MED21: variants seen among roughly 807,000 people sequenced by gnomAD.
The protein encoded by MED21 is mediator of RNA polymerase II transcription subunit 21.
Under a neutral mutation model 18.2 loss-of-function variants are expected in MED21, and 9 were observed. The observed-to-expected ratio is 0.49, with a 90% confidence interval of 0.30 to 0.86. The LOEUF (loss-of-function observed/expected upper bound fraction) is 0.86. MED21 is among the 40% of genes least tolerant of loss of function. MED21 has a pLI of 0.07. For synonymous variants in MED21, 73 were observed against 60.5 expected (o/e 1.21, Z -0.96); for missense variants, 150 against 170.9 (o/e 0.88, Z 0.68).
At chr12:27,032,995 G>GT (rs769207784), downstream of MED21, among the ~76,000 whole-genome samples, 5 of 152,018 alleles carry the variant, frequency 3.3e-5, no homozygotes, top group Non-Finnish European at 4.4e-5. Context: ...CTCCACGTTA[G>GT]TTTTTTTCTA....
At chr12:27,027,080 C>A (rs1012656391) in intron 2 of MED21, among the ~76,000 whole-genome samples, 8 of 152,186 alleles carry the variant, frequency 5.3e-5, no homozygotes, top group African/African-American at 1.9e-4. Context: ...AGGCTCATGC[C>A]ACCACGTCTG....
At chr12:27,037,238 G>GTT in intron 2 of MED21, 1 of 151,394 alleles carries the variant, frequency 6.6e-6, no homozygotes, top group Non-Finnish European at 1.5e-5. Context: ...TTGGCTCTCT[G>GTT]TTTGTCTGTT....
chr12:27,032,870 C>A (rs74761613), downstream of MED21, among the ~76,000 whole-genome samples: 3,018 of 152,276 alleles, frequency 0.02, 102 homozygotes, highest in African/African-American at 0.068. Context: ...CACCTTCAGC[C>A]TGAGCCAGCA....
chr12:27,031,033 G>T (rs910395482), downstream of MED21, among the ~76,000 whole-genome samples: 1 of 151,944 alleles, frequency 6.6e-6, no homozygotes, highest in African/African-American at 2.4e-5. Flanking sequence ...TCAGCCTCCC[G>T]AATAGCTGGG....
At position 27,027,456 on chromosome 12, in the gene MED21, C is replaced by G. The variant is rs1941561139; in HGVS notation, c.258+9C>G. 1.3e-6 allele frequency: 2 copies of G among 1,591,990 alleles called. No homozygotes were observed. The highest frequency in any genetic ancestry group is 1.4e-5 in the African/African-American group (1 of 74,068). On this transcript the variant is annotated intron_variant, in intron 3 of 3. Coordinates refer to ENST00000282892, the MANE Select transcript of MED21 (RefSeq NM_004264.5). ...CTACAGCTGCTTTACAGGTAAGCCT[C>G]TATTCCTTTGAGAATTTTACCAGTA...
At chr12:27,023,302 T>TTTC (rs1413743869) in intron 1 of MED21, among the ~76,000 whole-genome samples, 7 of 139,960 alleles carry the variant, frequency 5.0e-5, no homozygotes, top group Non-Finnish European at 4.6e-5. Flanking sequence ...TTTCTTTTCT[T>TTTC]TTTTTTTTTT....
rs1941603401 is a variant in MED21, at chr12:27,030,323, T to TG, written c.*1866dup. ...TTTTTTTTTCTTTTTTTTTTAGAGA[T>TG]GGGGTCTCACTCTGTTGCCCAGGCT... On this transcript the variant is annotated 3_prime_UTR_variant, in exon 4 of 4. Coordinates refer to ENST00000282892, the MANE Select transcript of MED21 (RefSeq NM_004264.5). 1 of 476,216 alleles carries TG rather than the reference T, an allele frequency of 2.1e-6. No individual in the cohort carries two copies. Among genetic ancestry groups the TG allele is most frequent in the Non-Finnish European group, 3.8e-6 (1 of 266,444 alleles). 29.5% of individuals were successfully genotyped at this position (476,216 alleles called of 1,614,324 possible).
At chr12:27,023,165 C>G (rs1941496080) in intron 1 of MED21, among the ~76,000 whole-genome samples, 1 of 152,046 alleles carries the variant, frequency 6.6e-6, no homozygotes, top group Admixed American at 6.5e-5. Flanking sequence ...TAGCTCGTTC[C>G]TTTGGGCCCA....
intron 2 of MED21, chr12:27,037,605 C>T (rs1254509410): frequency 1.3e-5 from 2 of 152,098 alleles, no homozygotes; most frequent in Non-Finnish European, 2.9e-5. Context: ...TTAACAATTG[C>T]ATATATCACA....
chr12:27,027,713 C>T (rs911926905), intron 3 of MED21, among the ~76,000 whole-genome samples: 1 of 152,148 alleles, frequency 6.6e-6, no homozygotes, highest in African/African-American at 2.4e-5. Context: ...GGCCTTCTTC[C>T]TGTTTCCTCA....
chr12:27,031,423 C>G (rs553035048), downstream of MED21, among the ~76,000 whole-genome samples: 1 of 152,024 alleles, frequency 6.6e-6, no homozygotes, highest in South Asian at 2.1e-4. Context: ...GATACCATTC[C>G]CTGTATACCA....
In MED21 at chr12:27,029,704, T is replaced by C. The variant is rs538504178; in HGVS notation, c.*1243T>C. The C allele has an allele frequency of 3.0e-6, 3 of 985,302 alleles. No individual in the cohort carries two copies. Among genetic ancestry groups the C allele is most frequent in the South Asian group, 4.7e-5 (1 of 21,284 alleles). The allele number at this position is 985,302 out of a possible 1,614,324, so 61.0% of individuals were successfully genotyped here. A position where few individuals can be genotyped will look rare whatever the true frequency, so the allele number is the denominator to read the frequency against. ...CTAGTCATAGAAAATTTTTGAACTT[T>C]TAACTGTATTTTAATTGATGTTTAT... is the stretch of plus-strand genomic sequence containing the variant. On this transcript the variant is annotated 3_prime_UTR_variant, in exon 4 of 4. Transcript: ENST00000282892.
Position 27,026,401 on chromosome 12 carries a change from A to G in MED21, c.43-19A>G, listed in dbSNP as rs1162186895. ...CTGATAAGTCCTTTCTAACCTTGAT[A>G]TGTTTTCTTTGGCCTAAGCTTGCAG... On this transcript the variant is annotated intron_variant, in intron 1 of 3. Coordinates refer to ENST00000282892, the MANE Select transcript of MED21 (RefSeq NM_004264.5). 6.5e-7 allele frequency: 1 copy of G among 1,534,348 alleles called. No individual in the cohort carries two copies. Among genetic ancestry groups the G allele is most frequent in the Admixed American group, 1.7e-5 (1 of 58,182 alleles).
rs897950918 is a variant in MED21, at chr12:27,029,021, C to G, written c.*560C>G. ...TGTTTCTTCTGCTAGAACCTCATAC[C>G]TGTTCTAGTTCATCTCCACGTTTAT... On this transcript the variant is annotated 3_prime_UTR_variant, in exon 4 of 4. Coordinates refer to ENST00000282892, the MANE Select transcript of MED21 (RefSeq NM_004264.5). 3.8e-5 allele frequency: 37 copies of G among 984,938 alleles called. No homozygotes were observed. The highest frequency in any genetic ancestry group is 4.3e-5 in the Non-Finnish European group (36 of 829,618). The allele number at this position is 984,938 out of a possible 1,614,324, so 61.0% of individuals were successfully genotyped here.
downstream of MED21, among the ~76,000 whole-genome samples, chr12:27,034,200 G>A (rs1941636055): frequency 6.6e-6 from 1 of 152,146 alleles, no homozygotes; most frequent in South Asian, 2.1e-4. Flanking sequence ...TGGATCACCT[G>A]AGGTCAGGTG....
downstream of MED21, among the ~76,000 whole-genome samples, chr12:27,035,169 A>G (rs950876515): frequency 6.6e-6 from 1 of 152,178 alleles, no homozygotes; most frequent in African/African-American, 2.4e-5. Context: ...TCATGACACC[A>G]CACACCAGCC....
chr12:27,023,304 T>C (rs1033351871), intron 1 of MED21, among the ~76,000 whole-genome samples: 10 of 143,580 alleles, frequency 7.0e-5, no homozygotes, highest in African/African-American at 2.6e-4. Context: ...TCTTTTCTTT[T>C]TTTTTTTTTT....
chr12:27,027,367 G>A lies in MED21; in HGVS notation c.178G>A (p.Ala60Thr). Residue 60 changes from alanine to threonine, a missense_variant, in exon 3 of 4, where the codon GCA (alanine) becomes ACA (threonine). Transcript: ENST00000282892. ...PTEEYAQLFA[A>T]LIARTAKDID... ...TCTAGAGTATGCCCAGCTTTTTGCA[G>A]CACTGATTGCACGAACAGCAAAAGA... 1 of 1,613,406 alleles carries A rather than the reference G, an allele frequency of 6.2e-7. No homozygotes were observed. Among genetic ancestry groups the A allele is most frequent in the South Asian group, 1.1e-5 (1 of 91,036 alleles).
chr12:27,031,699 T>TG (rs1941620291), downstream of MED21, among the ~76,000 whole-genome samples: 1 of 150,292 alleles, frequency 6.7e-6, no homozygotes, highest in South Asian at 2.1e-4. Context: ...AATGTAGCCA[T>TG]GAAAAAAAAA....
Sources: allele counts gnomAD v4.1 joint callset (sites outside exome capture counted in the v4.1 genomes callset), GRCh38; gene constraint gnomAD v4.1.1; transcripts MANE v1.5; gene names NCBI Gene and HGNC (gene_info 2026-07-23, HGNC 2026-07-21).